Variants in MSRA observed in about 807,000 individuals in gnomAD.
The protein encoded by MSRA is methionine sulfoxide reductase A.
A neutral mutation model predicts 31.3 loss-of-function variants in MSRA; 54 were observed. The ratio of observed to expected loss-of-function variants is 1.73; its 90% confidence interval spans 1.39 to 2.17. The LOEUF (loss-of-function observed/expected upper bound fraction) is 2.17, where lower values mean the gene tolerates loss of function less well. MSRA is among the 30% of genes most tolerant of loss of function. The probability of loss-of-function intolerance (pLI) is 0.00; values close to 1 mark genes in which losing one functional copy is unlikely to be tolerated. For missense variants in MSRA, 507 were observed against 300.9 expected, an observed-to-expected ratio of 1.69 and a Z score of -5.07; for synonymous variants, 169 against 116.5, an observed-to-expected ratio of 1.45 and a Z score of -2.90.
At chr8:10,297,690 G>T (rs1200873094) in intron 3 of MSRA, among the ~76,000 whole-genome samples, 1 of 152,182 alleles carries the variant, frequency 6.6e-6, no homozygotes, top group Admixed American at 6.5e-5. Flanking sequence ...TTTGGCAAGG[G>T]CATCACTGTG....
intron 5 of MSRA, among the ~76,000 whole-genome samples, chr8:10,399,729 A>G (rs1393775151): frequency 6.6e-6 from 1 of 152,116 alleles, no homozygotes. Flanking sequence ...GGAGGGTGCA[A>G]TGGATGGTGG....
intron 1 of MSRA, among the ~76,000 whole-genome samples, chr8:10,124,381 T>C (rs1421835692): frequency 6.6e-6 from 1 of 152,174 alleles, no homozygotes; most frequent in East Asian, 1.9e-4. Flanking sequence ...CCCTGTATGA[T>C]TTCTTTGGGG....
chr8:10,143,298 C>G (rs958060250), intron 1 of MSRA, among the ~76,000 whole-genome samples: 10 of 152,014 alleles, frequency 6.6e-5, no homozygotes, highest in Admixed American at 6.6e-4. Context: ...GGCTGATACC[C>G]GTTGAAAGTA....
chr8:10,194,038 G>A (rs1265962010), intron 1 of MSRA, among the ~76,000 whole-genome samples: 1 of 150,246 alleles, frequency 6.7e-6, no homozygotes, highest in Non-Finnish European at 1.5e-5. Flanking sequence ...AAGAAAAATT[G>A]CAAGAGAGAG....
At chr8:10,105,563 C>G (rs1799825369) in intron 1 of MSRA, among the ~76,000 whole-genome samples, 1 of 152,072 alleles carries the variant, frequency 6.6e-6, no homozygotes, top group African/African-American at 2.4e-5. Context: ...AGGCACATTC[C>G]CATTGCATCT....
At chr8:10,318,369 G>A (rs1480093695) in intron 4 of MSRA, among the ~76,000 whole-genome samples, 1 of 152,146 alleles carries the variant, frequency 6.6e-6, no homozygotes, top group African/African-American at 2.4e-5. Flanking sequence ...TCAGGCTCGT[G>A]ACTACTCTTA....
At chr8:10,236,571 G>A (rs982741995) in intron 2 of MSRA, among the ~76,000 whole-genome samples, 4 of 152,148 alleles carry the variant, frequency 2.6e-5, no homozygotes, top group African/African-American at 9.7e-5. Flanking sequence ...TTGCGATGGA[G>A]TCTCACTCGC....
At chr8:10,086,950 T>A (rs986762863) in intron 1 of MSRA, among the ~76,000 whole-genome samples, 4 of 151,244 alleles carry the variant, frequency 2.6e-5, no homozygotes, top group African/African-American at 9.7e-5. Context: ...TGGATATAAT[T>A]TGGGTTGGCC....
chr8:10,350,795 C>G (rs2129158030), intron 5 of MSRA, among the ~76,000 whole-genome samples: 1 of 152,320 alleles, frequency 6.6e-6, no homozygotes, highest in African/African-American at 2.4e-5. Flanking sequence ...CCTCGCGCCT[C>G]CCCCTTCACA....
chr8:10,093,040 T>C (rs1258953369), intron 1 of MSRA, among the ~76,000 whole-genome samples: 1 of 152,202 alleles, frequency 6.6e-6, no homozygotes, highest in Non-Finnish European at 1.5e-5. Context: ...TATATATATT[T>C]TACATAGTTT....
At chr8:10,084,883 A>G (rs1004182617) in intron 1 of MSRA, among the ~76,000 whole-genome samples, 11 of 104,832 alleles carry the variant, frequency 1.0e-4, no homozygotes, top group Admixed American at 9.0e-4. Flanking sequence ...AGAGGTAGTT[A>G]TAGGCTTTGC....
At chr8:10,294,632 G>C (rs1289927002) in intron 3 of MSRA, among the ~76,000 whole-genome samples, 1 of 152,200 alleles carries the variant, frequency 6.6e-6, no homozygotes. Flanking sequence ...TAGGTATCCT[G>C]CTGACTGCAA....
chr8:10,128,028 C>T (rs781266748), intron 1 of MSRA, among the ~76,000 whole-genome samples: 1 of 152,100 alleles, frequency 6.6e-6, no homozygotes, highest in African/African-American at 2.4e-5. Flanking sequence ...GAGAGGAGAA[C>T]TGCGGATCTT....
chr8:10,229,200 C>T (rs1288279780), intron 2 of MSRA, among the ~76,000 whole-genome samples: 2 of 151,620 alleles, frequency 1.3e-5, no homozygotes, highest in African/African-American at 2.4e-5. Context: ...GGTGTCTTTG[C>T]AGGTTTTGGG....
At position 10,428,869 on chromosome 8, in the gene MSRA, A is replaced by ACGGCG; in HGVS notation, c.*557_*558insCGGCG. The ACGGCG allele has an allele frequency of 6.5e-6, 1 of 153,076 alleles. No homozygotes were observed. The highest frequency in any genetic ancestry group is 1.5e-5 in the Non-Finnish European group (1 of 68,620). 9.5% of individuals were successfully genotyped at this position (153,076 alleles called of 1,614,324 possible). A position where few individuals can be genotyped will look rare whatever the true frequency, so the allele number is the denominator to read the frequency against. ...TATGAGAAATGTTTGTTTTAATAAA[A>ACGGCG]ACCTACAGTCCAATAATGCCAACTG... On this transcript the variant is annotated 3_prime_UTR_variant, in exon 6 of 6. Transcript: ENST00000317173.
At chr8:10,236,704 C>T (rs557672938) in intron 2 of MSRA, among the ~76,000 whole-genome samples, 12 of 152,254 alleles carry the variant, frequency 7.9e-5, no homozygotes, top group African/African-American at 2.9e-4. Context: ...GCCACCACAC[C>T]TGGCTAATTT....
At chr8:10,393,117 G>A (rs998754915) in intron 5 of MSRA, among the ~76,000 whole-genome samples, 7 of 150,970 alleles carry the variant, frequency 4.6e-5, no homozygotes, top group African/African-American at 1.7e-4. Context: ...GTTATGCTGC[G>A]AGAAAAGAAC....
chr8:10,147,053 A>G (rs1803204802), intron 1 of MSRA, among the ~76,000 whole-genome samples: 1 of 152,126 alleles, frequency 6.6e-6, no homozygotes, highest in Non-Finnish European at 1.5e-5. Context: ...CCAGGTACAG[A>G]TGAGTGCCGG....
intron 3 of MSRA, among the ~76,000 whole-genome samples, chr8:10,276,005 C>T (rs1799300731): frequency 6.6e-6 from 1 of 152,242 alleles, no homozygotes. Flanking sequence ...TAAGTTCCTT[C>T]TGTTGCTCCA....
Sources: gnomAD v4.1 joint callset for allele counts (sites outside exome capture counted in the v4.1 genomes callset) on GRCh38, gnomAD v4.1.1 for gene constraint, MANE v1.5 for transcripts, NCBI Gene and HGNC (gene_info 2026-07-23, HGNC 2026-07-21) for gene names.